The following COL25A1 variants were observed in gnomAD, a reference collection of about 807,000 sequenced individuals.
COL25A1 encodes collagen alpha-1(XXV) chain.
COL25A1 carries 103 observed loss-of-function variants against 128.4 expected under a neutral mutation model. The observed-to-expected ratio is 0.80, with a 90% confidence interval of 0.68 to 0.94. The LOEUF is 0.94. Ranked by LOEUF, COL25A1 falls within the 40% of genes least tolerant of loss-of-function variation. The probability of loss-of-function intolerance (pLI) is 0.00; values close to 1 mark genes in which losing one functional copy is unlikely to be tolerated. For synonymous variants in COL25A1, 279 were observed against 277.2 expected, an observed-to-expected ratio of 1.01 and a Z score of -0.06; for missense variants, 745 against 840.0, an observed-to-expected ratio of 0.89 and a Z score of 1.40.
intron 3 of COL25A1, among the ~76,000 whole-genome samples, chr4:109,160,989 A>G (rs1013642856): frequency 3.3e-5 from 5 of 152,252 alleles, no homozygotes; most frequent in Non-Finnish European, 5.9e-5. Context: ...ATAATAATTT[A>G]CATAGTATAA....
chr4:108,826,523 G>A (rs1057017353), intron 33 of COL25A1, among the ~76,000 whole-genome samples: 10 of 152,060 alleles, frequency 6.6e-5, no homozygotes, highest in African/African-American at 2.2e-4. Context: ...AGGCAAAAGA[G>A]CAAGACTCCA....
rs1279416407 is a variant in COL25A1 at position 109,300,667 on chromosome 4, G to T, written c.298-15C>A. 1.9e-6 allele frequency: 3 copies of T among 1,578,538 alleles called. No individual in the cohort carries two copies. The East Asian group carries it at 6.7e-5, about 35-fold the overall frequency. ...TCATAGGATTTCTGTAGGAAAAGAAGAGTTATTAATAATCATCAGTAGCAC... is the reference window on the plus strand; with the variant it reads ...TCATAGGATTTCTGTAGGAAAAGAATAGTTATTAATAATCATCAGTAGCAC... On this transcript the variant is annotated splice_polypyrimidine_tract_variant and intron_variant, in intron 2 of 37. Transcript: ENST00000399132.
intron 3 of COL25A1, among the ~76,000 whole-genome samples, chr4:109,214,551 AT>A (rs1228220858): frequency 6.6e-6 from 1 of 151,962 alleles, no homozygotes; most frequent in East Asian, 1.9e-4. Context: ...TTAAATATAC[AT>A]TTTTTTATTT....
intron 24 of COL25A1, among the ~76,000 whole-genome samples, chr4:108,853,420 T>C (rs540703907): frequency 6.6e-6 from 1 of 152,078 alleles, no homozygotes; most frequent in African/African-American, 2.4e-5. Context: ...TAACTAAAGA[T>C]ATTAGTCGAC....
At position 108,952,831 on chromosome 4, in the gene COL25A1, C is replaced by CTTT. The variant is rs59761040; in HGVS notation, c.493-11397_493-11395dup. On this transcript the variant is annotated intron_variant, in intron 8 of 37. Coordinates refer to ENST00000399132, the MANE Select transcript of COL25A1 (RefSeq NM_198721.4). The stretch of plus-strand genomic sequence containing the variant: ...TCAGCAGCCTGTGAGAAAAACTCAA[C>CTTT]TTTTTTTTTTTTTTTTTTTTTTTTT... Among the ~76,000 whole-genome samples the CTTT allele has an allele frequency of 8.7e-3, 583 of 66,948 alleles. 13 individuals are homozygous for CTTT. Among genetic ancestry groups the CTTT allele is most frequent in the East Asian group, 0.043 (81 of 1,884 alleles). 43.9% of individuals were successfully genotyped at this position (66,948 alleles called of 152,430 possible). A position where few individuals can be genotyped will look rare whatever the true frequency, so the allele number is the denominator to read the frequency against.
intron 13 of COL25A1, among the ~76,000 whole-genome samples, chr4:108,913,413 C>A (rs1284258244): frequency 1.3e-5 from 2 of 151,866 alleles, no homozygotes; most frequent in Non-Finnish European, 2.9e-5. Flanking sequence ...CATGCACCAC[C>A]ATGCCCCGCT....
At chr4:109,061,854 TTCA>T (rs1438338578) in intron 3 of COL25A1, among the ~76,000 whole-genome samples, 2 of 152,128 alleles carry the variant, frequency 1.3e-5, no homozygotes, top group Non-Finnish European at 1.5e-5. Context: ...CCCATATGAT[TTCA>T]TAATAATTCT....
intron 8 of COL25A1, among the ~76,000 whole-genome samples, chr4:108,970,917 T>C (rs980768753): frequency 1.3e-5 from 2 of 152,218 alleles, no homozygotes; most frequent in African/African-American, 2.4e-5. Context: ...TATTCCATTG[T>C]GTATACCACA....
intron 3 of COL25A1, among the ~76,000 whole-genome samples, chr4:109,105,463 G>A (rs541987554): frequency 1.3e-4 from 20 of 152,178 alleles, no homozygotes; most frequent in African/African-American, 4.6e-4. Context: ...TACAGAGTAA[G>A]GGGATACAGA....
At chr4:109,010,428 T>A in intron 5 of COL25A1, 53 bp from the exon 6 acceptor site, 8 of 1,255,922 alleles carry the variant, frequency 6.4e-6, no homozygotes, top group South Asian at 1.4e-5. Context: ...CCTAAGTGAA[T>A]ATTTTCACTA....
At chr4:108,961,572 T>TTCTGTTCTGTTCTGC (rs2125968735) in intron 8 of COL25A1, among the ~76,000 whole-genome samples, 1 of 108,332 alleles carries the variant, frequency 9.2e-6, no homozygotes, top group East Asian at 2.4e-4. Context: ...GGTTCTCCTG[T>TTCTGTTCTGTTCTGC]TCTGTTCTGT....
chr4:109,056,861 A>G (rs542238033), intron 3 of COL25A1, among the ~76,000 whole-genome samples: 97 of 152,310 alleles, frequency 6.4e-4, no homozygotes, highest in South Asian at 2.5e-3. Context: ...CAGTCTTACT[A>G]TGTCACCGAG....
chr4:109,120,468 T>C (rs865814768), intron 3 of COL25A1, among the ~76,000 whole-genome samples: 17 of 152,114 alleles, frequency 1.1e-4, no homozygotes, highest in Admixed American at 1.3e-4. Flanking sequence ...CAAAAGTCAA[T>C]TGCTTTTTTA....
intron 3 of COL25A1, among the ~76,000 whole-genome samples, chr4:109,105,654 G>A (rs1437770162): frequency 6.6e-6 from 1 of 152,166 alleles, no homozygotes; most frequent in Non-Finnish European, 1.5e-5. Context: ...TGAAAAAGTG[G>A]ATAAATAAGG....
intron 3 of COL25A1, among the ~76,000 whole-genome samples, chr4:109,269,200 G>A (rs930492910): frequency 1.3e-5 from 2 of 150,972 alleles, no homozygotes; most frequent in African/African-American, 4.9e-5. Context: ...TTTTGTTCTT[G>A]CGATAGTTCA....
At chr4:109,012,575 C>T (rs1436078192) in intron 5 of COL25A1, among the ~76,000 whole-genome samples, 1 of 152,168 alleles carries the variant, frequency 6.6e-6, no homozygotes, top group Non-Finnish European at 1.5e-5. Flanking sequence ...GAGCGGCCGG[C>T]CAGCCGGCGG....
intron 3 of COL25A1, among the ~76,000 whole-genome samples, chr4:109,065,545 C>CGCGCGCGTGT (rs771855567): frequency 2.8e-5 from 4 of 141,132 alleles, no homozygotes; most frequent in African/African-American, 1.1e-4. Context: ...CGCGCGCGCG[C>CGCGCGCGTGT]GTGTGTGTGT....
chr4:108,899,011 A>ATACC (rs1036880812), intron 15 of COL25A1, 143 bp downstream of exon 15: 5 of 585,904 alleles, frequency 8.5e-6, no homozygotes, highest in African/African-American at 3.8e-5. Flanking sequence ...ATATATCTAT[A>ATACC]TACCTACCTA....
rs538212761 is a variant in COL25A1, at chr4:108,810,480, G to A, written c.*3447C>T. ...TCTAATGTCCTCTATAAAATCACAT[G>A]AGAAAAAAAAATCCTCCAAGACTGC... On this transcript the variant is annotated 3_prime_UTR_variant, in exon 38 of 38. Transcript: ENST00000399132. 2.0e-5 allele frequency: 3 copies of A among 151,430 alleles called. No homozygotes were observed. Among genetic ancestry groups the A allele is most frequent in the South Asian group, 2.1e-4 (1 of 4,802 alleles). 9.4% of individuals were successfully genotyped at this position (151,430 alleles called of 1,614,324 possible). A position where few individuals can be genotyped will look rare whatever the true frequency, so the allele number is the denominator to read the frequency against.
Sources: gnomAD v4.1 joint callset for allele counts (sites outside exome capture counted in the v4.1 genomes callset) on GRCh38, gnomAD v4.1.1 for gene constraint, MANE v1.5 for transcripts, NCBI Gene and HGNC (gene_info 2026-07-23, HGNC 2026-07-21) for gene names.